Variants in GPM6B observed in about 807,000 individuals in gnomAD.
GPM6B encodes glycoprotein M6B, also known as neuronal membrane glycoprotein M6-b.
In GPM6B, 4 loss-of-function variants were observed where a neutral mutation model predicts 27.2. The observed-to-expected ratio is 0.15, with a 90% confidence interval of 0.07 to 0.34. The LOEUF is 0.34. GPM6B is among the 10% of genes least tolerant of loss of function. GPM6B has a pLI of 1.00. For synonymous variants in GPM6B, 124 were observed against 103.1 expected (o/e 1.20, Z -1.23); for missense variants, 183 against 261.9 (o/e 0.70, Z 2.08).
intron 1 of GPM6B, among the ~76,000 whole-genome samples, chrX:13,844,349 C>T (rs1170688876): frequency 8.9e-6 from 1 of 112,167 alleles, no homozygotes; most frequent in South Asian, 3.7e-4. Context: ...TAGTTTAGCA[C>T]AAATGTTGAT....
chrX:13,789,888 T>G (rs954512796), intron 2 of GPM6B, among the ~76,000 whole-genome samples: 7 of 111,920 alleles, frequency 6.3e-5, no homozygotes, highest in Non-Finnish European at 1.1e-4. Context: ...CTCTGTTGCC[T>G]AGGTTGGAGT....
At chrX:13,885,209 C>T (rs2050123373) in intron 1 of GPM6B, among the ~76,000 whole-genome samples, 1 of 111,805 alleles carries the variant, frequency 8.9e-6, no homozygotes, top group Non-Finnish European at 1.9e-5. Flanking sequence ...GATTGGTTTA[C>T]TATAAAGTAT....
At chrX:13,900,417 G>A (rs369937484) in intron 1 of GPM6B, among the ~76,000 whole-genome samples, 14 of 111,311 alleles carry the variant, frequency 1.3e-4, no homozygotes, top group African/African-American at 4.6e-4. Context: ...AAGGGCTGGA[G>A]GGAGGGTTAC....
At chrX:13,818,277 A>G (rs2049269689), upstream of GPM6B, among the ~76,000 whole-genome samples, 1 of 112,582 alleles carries the variant, frequency 8.9e-6, no homozygotes, top group African/African-American at 3.2e-5. Context: ...GATCATGAAT[A>G]GTCTGCTAGT....
chrX:13,905,431 T>G (rs2050321474), intron 1 of GPM6B, among the ~76,000 whole-genome samples: 1 of 110,908 alleles, frequency 9.0e-6, no homozygotes, highest in African/African-American at 3.3e-5. Context: ...ATTTCCTAAA[T>G]ACTATGATAA....
chrX:13,865,841 C>A (rs901644106), intron 1 of GPM6B, among the ~76,000 whole-genome samples: 4 of 109,775 alleles, frequency 3.6e-5, no homozygotes, highest in African/African-American at 1.3e-4. Context: ...GATAAAAACA[C>A]AGACTACTAT....
chrX:13,920,954 G>A (rs1232757519), intron 1 of GPM6B, among the ~76,000 whole-genome samples: 1 of 111,222 alleles, frequency 9.0e-6, no homozygotes, highest in Non-Finnish European at 1.9e-5. Flanking sequence ...GTTTTATGCT[G>A]TCTTCTTTTG....
At chrX:13,785,879 T>A in intron 2 of GPM6B, 71 bp from the exon 3 acceptor site, 1 of 865,135 alleles carries the variant, frequency 1.2e-6, no homozygotes, top group South Asian at 2.5e-5. Flanking sequence ...ATACCCCATA[T>A]TCACAGAGAA....
chrX:13,812,199 A>G (rs6633366), intron 1 of GPM6B, among the ~76,000 whole-genome samples: 43,127 of 106,725 alleles, frequency 0.4, 6,800 homozygotes, highest in African/African-American at 0.51. Flanking sequence ...ACAGGCACAC[A>G]CCACCACGCC....
At chrX:13,849,969 G>T (rs1054186733) in intron 1 of GPM6B, among the ~76,000 whole-genome samples, 2 of 111,466 alleles carry the variant, frequency 1.8e-5, no homozygotes, top group African/African-American at 6.5e-5. Flanking sequence ...TGAGGCAGGA[G>T]AATCGCTTGA....
chrX:13,930,620 A>AC lies in GPM6B; in HGVS notation c.-198+7706_-198+7707insG, dbSNP rs1418602680. Among the ~76,000 whole-genome samples, 3 of 112,066 alleles carry AC rather than the reference A, an allele frequency of 2.7e-5. No individual in the cohort carries two copies. In the Admixed American group the frequency reaches 2.8e-4, roughly 11 times the overall value. On this transcript the variant is annotated intron_variant, in intron 1 of 6. Transcript: ENST00000398361. ...CAGAGCGAGACTCCGTCTCAAAAAA[A>AC]AAAAAAGAAACGAACAAGGGAACAT...
At chrX:13,822,808 G>C (rs1407392274) in intron 1 of GPM6B, among the ~76,000 whole-genome samples, 1 of 111,874 alleles carries the variant, frequency 8.9e-6, no homozygotes, top group African/African-American at 3.2e-5. Flanking sequence ...ATAGTAGACA[G>C]AAAAGATACT....
intron 1 of GPM6B, among the ~76,000 whole-genome samples, chrX:13,891,227 C>A (rs1302668829): frequency 9.0e-6 from 1 of 111,507 alleles, no homozygotes; most frequent in African/African-American, 3.3e-5. Context: ...CAGCATTACC[C>A]GGAAGGTCAT....
intron 5 of GPM6B, among the ~76,000 whole-genome samples, chrX:13,779,153 G>A (rs546574538): frequency 2.0e-4 from 22 of 111,521 alleles, no homozygotes; most frequent in Non-Finnish European, 2.4e-4. Context: ...ACTCAGCAGC[G>A]AAGTCAAGTC....
chrX:13,930,204 T>C (rs1921418290), intron 1 of GPM6B, among the ~76,000 whole-genome samples: 1 of 112,396 alleles, frequency 8.9e-6, no homozygotes, highest in South Asian at 3.6e-4. Context: ...TTTCATTAAG[T>C]GGTCAACTTA....
chrX:13,779,915 C>T lies in GPM6B; in HGVS notation c.600G>A (p.Met200Ile), dbSNP rs1002959169. 12 of 1,202,782 alleles carry T rather than the reference C, an allele frequency of 1.0e-5. No individual in the cohort carries two copies. The highest frequency in any genetic ancestry group is 3.6e-5 in the South Asian group (2 of 55,659). Residue 200 changes from methionine (M) to isoleucine (I), a missense_variant, in exon 5 of 8, where the codon ATG (methionine) becomes ATA (isoleucine). Transcript: ENST00000316715. The part of the protein sequence containing the change: ...VFGFSAVPVF[M>I]FYNIWSTCEV... The stretch of plus-strand genomic sequence containing the variant: ...CACAAGTTGACCATATGTTGTAGAA[C>T]ATAAACACGGGCACCGCTGAGAAAC...
At chrX:13,871,796 C>T (rs1184925929) in intron 1 of GPM6B, among the ~76,000 whole-genome samples, 4 of 112,270 alleles carry the variant, frequency 3.6e-5, no homozygotes, top group Non-Finnish European at 7.5e-5. Context: ...AATCGGACAA[C>T]ACAAATATAG....
rs151137075 is a variant in GPM6B, at chrX:13,838,070, G to C, written c.-197-52262C>G. 7.2e-3 allele frequency among the ~76,000 whole-genome samples: 783 copies of C among 108,860 alleles called. 10 individuals carry two copies. Among genetic ancestry groups the C allele is most frequent in the African/African-American group, 0.025 (735 of 29,813 alleles). The allele number at this position is 108,860 out of a possible 115,157, so 94.5% of individuals were successfully genotyped here. The stretch of plus-strand genomic sequence containing the variant: ...TACTTAGTAAGGGGCAATCTTCAGA[G>C]GGGACACCTCTGCCATGCTTATTTA... On this transcript the variant is annotated intron_variant, in intron 1 of 6. Transcript: ENST00000398361.
At chrX:13,774,320 A>C (rs2048365444) in intron 7 of GPM6B, 1 of 975,324 alleles carries the variant, frequency 1.0e-6, no homozygotes, top group Admixed American at 4.5e-5. Flanking sequence ...ACTGTCAGTA[A>C]ATAACTGAAT....
Sources: gnomAD v4.1 joint callset for allele counts (sites outside exome capture counted in the v4.1 genomes callset) on GRCh38, gnomAD v4.1.1 for gene constraint, MANE v1.5 for transcripts, NCBI Gene and HGNC (gene_info 2026-07-23, HGNC 2026-07-21) for gene names.